TDG: variants seen among roughly 807,000 people sequenced by gnomAD.
TDG encodes the protein G/T mismatch-specific thymine DNA glycosylase.
In TDG, 23 loss-of-function variants were observed where a neutral mutation model predicts 46.1. The observed-to-expected ratio is 0.50, with a 90% confidence interval of 0.36 to 0.71. The LOEUF is 0.71. Among genes scored for constraint, TDG ranks in the 30% least tolerant of loss-of-function variants. TDG has a pLI of 0.00. For missense variants in TDG, 304 were observed against 486.7 expected (o/e 0.62, Z 3.53); for synonymous variants, 115 against 161.3 (o/e 0.71, Z 2.18).
intron 8 of TDG, among the ~76,000 whole-genome samples, chr12:103,985,290 T>C (rs1473276229): frequency 6.6e-6 from 1 of 151,916 alleles, no homozygotes; most frequent in Non-Finnish European, 1.5e-5. Flanking sequence ...TGATAATGAA[T>C]ATTAGTCACT....
intron 4 of TDG, among the ~76,000 whole-genome samples, 193 bp from the exon 5 acceptor site, chr12:103,982,606 A>G (rs908200744): frequency 1.3e-5 from 2 of 152,008 alleles, no homozygotes; most frequent in Non-Finnish European, 2.9e-5. Context: ...GTCTACAAAC[A>G]ATACAAAAAT....
At chr12:103,976,764 G>A (rs183641601) in intron 1 of TDG, among the ~76,000 whole-genome samples, 154 bp from the exon 2 acceptor site, 20 of 152,298 alleles carry the variant, frequency 1.3e-4, no homozygotes, top group Non-Finnish European at 2.6e-4. Flanking sequence ...GTACATACAG[G>A]ACTAGATCTC....
At chr12:103,986,735 A>G in intron 9 of TDG, 2 of 452,810 alleles carry the variant, frequency 4.4e-6, no homozygotes, top group Non-Finnish European at 7.9e-6. Context: ...AAAAACTTCA[A>G]ATAAGCTGAT....
chr12:103,980,954 A>G lies in TDG; in HGVS notation c.470A>G (p.Asn157Ser), dbSNP rs1483871753. The change falls in exon 4 of 10, where the codon AAC becomes AGC. Residue 157 changes from asparagine to serine, a missense_variant. Physicochemically the swap from Asn to Ser is conservative, Grantham distance 46 (BLOSUM62 1). Transcript: ENST00000392872. The part of the protein sequence containing the change: ...YKGHHYPGPG[N>S]HFWKCLFMSG... ...GGGCATCATTACCCTGGACCTGGAA[A>G]CCATTTTTGTAAGTGGTTACCTTTT... 2 of 1,612,808 alleles carry G rather than the reference A, an allele frequency of 1.2e-6. No individual in the cohort carries two copies. The highest frequency in any genetic ancestry group is 2.2e-5 in the South Asian group (2 of 90,730).
chr12:103,976,595 C>T (rs1165800667), intron 1 of TDG, among the ~76,000 whole-genome samples: 1 of 152,188 alleles, frequency 6.6e-6, no homozygotes, highest in African/African-American at 2.4e-5. Context: ...ATAGACCTTT[C>T]AAGTCTGTCT....
chr12:103,981,669 A>G lies in TDG; in HGVS notation c.478+707A>G, dbSNP rs141960771. 7.5e-3 allele frequency among the ~76,000 whole-genome samples: 1,141 copies of G among 152,328 alleles called. 11 individuals carry two copies. The highest frequency in any genetic ancestry group is 0.026 in the African/African-American group (1,080 of 41,580). On this transcript the variant is annotated intron_variant, in intron 4 of 9. Transcript: ENST00000392872. Reference sequence around the variant, plus strand: ...AGATTTCTGGTGATTATTTTCTAGCAGAGCATAAAATAGTAGTAAAGACTC... The same window carrying G: ...AGATTTCTGGTGATTATTTTCTAGCGGAGCATAAAATAGTAGTAAAGACTC...
At chr12:103,975,814 A>G (rs1196714206) in intron 1 of TDG, among the ~76,000 whole-genome samples, 1 of 151,956 alleles carries the variant, frequency 6.6e-6, no homozygotes, top group Non-Finnish European at 1.5e-5. Context: ...GGTGCATGCC[A>G]CTGTGCCCGG....
At chr12:103,974,753 G>A (rs181015252) in intron 1 of TDG, among the ~76,000 whole-genome samples, 2,330 of 152,076 alleles carry the variant, frequency 0.015, 29 homozygotes, top group Middle Eastern at 0.058. Flanking sequence ...GGTGGATCGC[G>A]AGGTCAGGAG....
intron 1 of TDG, among the ~76,000 whole-genome samples, chr12:103,970,737 AC>A (rs1871250140): frequency 8.1e-6 from 1 of 123,846 alleles, no homozygotes; most frequent in African/African-American, 3.1e-5. Context: ...ACAGAGTGAG[AC>A]CCCATCTCTT....
chr12:103,986,945 C>A lies in TDG; in HGVS notation c.1091-3C>A, dbSNP rs751930856. On this transcript the variant is annotated splice_polypyrimidine_tract_variant and splice_region_variant and intron_variant, in intron 9 of 9. Transcript: ENST00000392872. ...AACTAACTTTGTTTTTCTTTTCTGG[C>A]AGTTGAGAGCGTGGAGTTAAGAGGA... The A allele has an allele frequency of 4.3e-6, 3 of 692,288 alleles. No individual in the cohort carries two copies. Among genetic ancestry groups the A allele is most frequent in the Non-Finnish European group, 5.2e-6 (3 of 576,228 alleles). The allele number at this position is 692,288 out of a possible 1,614,324, so 42.9% of individuals were successfully genotyped here.
At position 103,984,961 on chromosome 12, in the gene TDG, GTATATATACACATATATACTTACA is replaced by G. The variant is rs1416094836; in HGVS notation, c.964+58_964+81del. 9.5e-6 allele frequency: 14 copies of G among 1,473,702 alleles called. No homozygotes were observed. In the South Asian group the frequency reaches 1.4e-4, roughly 14 times the overall value. The allele number at this position is 1,473,702 out of a possible 1,614,324, so 91.3% of individuals were successfully genotyped here. A position where few individuals can be genotyped will look rare whatever the true frequency, so the allele number is the denominator to read the frequency against. On this transcript the variant is annotated intron_variant, in intron 8 of 9. Coordinates refer to ENST00000392872, the MANE Select transcript of TDG (RefSeq NM_003211.6). ...CATTCCTTTTATTCATTTTGTGTGT[GTATATATACACATATATACTTACA>G]TATATATACACATATACATATATAC...
chr12:103,972,767 T>G (rs4135067), intron 1 of TDG, among the ~76,000 whole-genome samples: 13,471 of 152,274 alleles, frequency 0.088, 788 homozygotes, highest in East Asian at 0.31. Context: ...GTTCAGATTA[T>G]TTTTCCTCTT....
intron 1 of TDG, 42 bp downstream of exon 1, chr12:103,966,102 CT>C (rs775900123): frequency 2.3e-4 from 354 of 1,513,100 alleles, no homozygotes; most frequent in Middle Eastern, 5.3e-4. Context: ...GCGCCCCTCA[CT>C]GCTGGGCAGG....
At chr12:103,970,510 T>G (rs1223369900) in intron 1 of TDG, among the ~76,000 whole-genome samples, 1 of 151,260 alleles carries the variant, frequency 6.6e-6, no homozygotes, top group Non-Finnish European at 1.5e-5. Flanking sequence ...ATCCCTAAAA[T>G]AGTGTAAAAT....
chr12:103,975,578 A>G (rs1349853053), intron 1 of TDG, among the ~76,000 whole-genome samples: 1 of 151,992 alleles, frequency 6.6e-6, no homozygotes, highest in African/African-American at 2.4e-5. Flanking sequence ...GAACTCATCC[A>G]CTCATCGTGT....
chr12:103,979,539 A>G (rs1208453346), intron 2 of TDG, among the ~76,000 whole-genome samples: 1 of 152,176 alleles, frequency 6.6e-6, no homozygotes, highest in East Asian at 1.9e-4. Flanking sequence ...GATACTTTGT[A>G]TCCTTGAGGA....
chr12:103,978,024 T>C (rs1342305232), intron 2 of TDG, among the ~76,000 whole-genome samples: 6 of 152,052 alleles, frequency 3.9e-5, no homozygotes, highest in Non-Finnish European at 8.8e-5. Context: ...ATTGCACCAC[T>C]GCACTCCAGC....
intron 3 of TDG, 42 bp downstream of exon 3, chr12:103,980,114 G>C: frequency 6.2e-7 from 1 of 1,607,924 alleles, no homozygotes; most frequent in Non-Finnish European, 8.5e-7. Flanking sequence ...GTAGTATTGG[G>C]GGATCAGCTT....
At chr12:103,985,166 T>TACATAGACACAC (rs1555275231) in intron 8 of TDG, among the ~76,000 whole-genome samples, 1 of 138,566 alleles carries the variant, frequency 7.2e-6, no homozygotes, top group Non-Finnish European at 1.6e-5. Context: ...TATAGACACA[T>TACATAGACACAC]ACACACACAC....
Sources: allele counts gnomAD v4.1 joint callset (sites outside exome capture counted in the v4.1 genomes callset), GRCh38; gene constraint gnomAD v4.1.1; transcripts MANE v1.5; gene names NCBI Gene and HGNC (gene_info 2026-07-23, HGNC 2026-07-21).